NPSR1: variants seen among roughly 807,000 people sequenced by gnomAD.
NPSR1 encodes neuropeptide S receptor.
Under a neutral mutation model 46.9 loss-of-function variants are expected in NPSR1, and 48 were observed. The ratio of observed to expected loss-of-function variants is 1.02; its 90% CI spans 0.81 to 1.30. The LOEUF (loss-of-function observed/expected upper bound fraction) is 1.30. Among genes scored for constraint, NPSR1 ranks in the 50% most tolerant of loss-of-function variants. The probability of loss-of-function intolerance (pLI) is 0.00; values close to 1 mark genes in which losing one functional copy is unlikely to be tolerated. For missense variants in NPSR1, 450 were observed against 449.5 expected, an observed-to-expected ratio of 1.00 and a Z score of -0.01; for synonymous variants, 176 against 168.1, an observed-to-expected ratio of 1.05 and a Z score of -0.36.
intron 1 of NPSR1, among the ~76,000 whole-genome samples, chr7:34,683,428 C>G (rs1388056924): frequency 7.0e-6 from 1 of 143,676 alleles, no homozygotes; most frequent in Non-Finnish European, 1.5e-5. Context: ...GCCTGGGTGA[C>G]AGAGTGAGAC....
chr7:34,660,809 A>T (rs1211876008), intron 1 of NPSR1, among the ~76,000 whole-genome samples: 1 of 152,090 alleles, frequency 6.6e-6, no homozygotes, highest in East Asian at 1.9e-4. Context: ...CAGTCTATAA[A>T]GCTCAGCTTG....
At chr7:34,848,918 C>A (rs1199115110) in intron 8 of NPSR1, among the ~76,000 whole-genome samples, 1 of 152,216 alleles carries the variant, frequency 6.6e-6, no homozygotes, top group Admixed American at 6.5e-5. Context: ...ATCTAGAAGA[C>A]CTTGCTTTTA....
chr7:34,804,400 C>T (rs955106391), intron 3 of NPSR1, among the ~76,000 whole-genome samples: 2 of 151,934 alleles, frequency 1.3e-5, no homozygotes, highest in African/African-American at 4.8e-5. Flanking sequence ...ATCTATCACA[C>T]AAACAAGATA....
intron 4 of NPSR1, among the ~76,000 whole-genome samples, chr7:34,823,333 G>A (rs1407599434): frequency 3.4e-5 from 5 of 147,952 alleles, no homozygotes; most frequent in African/African-American, 7.5e-5. Context: ...CGGAGGTTGC[G>A]GTGAGTGGAG....
chr7:34,759,731 C>G (rs1786065476), intron 2 of NPSR1, among the ~76,000 whole-genome samples: 1 of 152,156 alleles, frequency 6.6e-6, no homozygotes, highest in South Asian at 2.1e-4. Context: ...TGTCCTTCCA[C>G]ACCTCAATAG....
At chr7:34,700,188 G>A (rs941538437) in intron 2 of NPSR1, among the ~76,000 whole-genome samples, 1 of 152,140 alleles carries the variant, frequency 6.6e-6, no homozygotes, top group Non-Finnish European at 1.5e-5. Context: ...AAAGTCATAA[G>A]GCGGATGTAA....
At chr7:34,798,523 A>C (rs1398472290) in intron 3 of NPSR1, among the ~76,000 whole-genome samples, 1 of 152,166 alleles carries the variant, frequency 6.6e-6, no homozygotes. Flanking sequence ...TGACAGAGTG[A>C]GACTCTGTCT....
intron 6 of NPSR1, among the ~76,000 whole-genome samples, chr7:34,843,397 C>T (rs2128763270): frequency 6.6e-6 from 1 of 152,254 alleles, no homozygotes; most frequent in Middle Eastern, 3.4e-3. Flanking sequence ...CACAATAACA[C>T]AATAATAGCA....
intron 3 of NPSR1, among the ~76,000 whole-genome samples, chr7:34,802,620 A>C (rs1788476793): frequency 6.6e-6 from 1 of 150,486 alleles, no homozygotes; most frequent in Non-Finnish European, 1.5e-5. Flanking sequence ...ACCCTAGAAG[A>C]AAACCTAAGC....
At chr7:34,672,829 C>T (rs527476873) in intron 1 of NPSR1, among the ~76,000 whole-genome samples, 1 of 152,328 alleles carries the variant, frequency 6.6e-6, no homozygotes, top group East Asian at 1.9e-4. Flanking sequence ...GGACAAGAAT[C>T]TCTCCTCCTG....
At chr7:34,741,981 G>GTTCCCTA (rs1161822846) in intron 2 of NPSR1, among the ~76,000 whole-genome samples, 1 of 152,174 alleles carries the variant, frequency 6.6e-6, no homozygotes, top group African/African-American at 2.4e-5. Flanking sequence ...GAACCTTAGA[G>GTTCCCTA]TTCCCTACTC....
chr7:34,790,986 T>TGTTG (rs1787785649), intron 3 of NPSR1, among the ~76,000 whole-genome samples: 1 of 110,398 alleles, frequency 9.1e-6, no homozygotes, highest in East Asian at 2.7e-4. Context: ...ATATGTTATA[T>TGTTG]TATATATGTT....
chr7:34,763,984 A>G (rs935193329), intron 2 of NPSR1, among the ~76,000 whole-genome samples: 1 of 152,230 alleles, frequency 6.6e-6, no homozygotes, highest in African/African-American at 2.4e-5. Flanking sequence ...AAGGAACATT[A>G]TAAAAATCTC....
intron 8 of NPSR1, among the ~76,000 whole-genome samples, chr7:34,876,720 C>T (rs567901941): frequency 9.9e-5 from 15 of 152,242 alleles, no homozygotes; most frequent in African/African-American, 3.1e-4. Flanking sequence ...TCAGGAGGTC[C>T]GAGAAGGACC....
rs543094083 is a variant in NPSR1, at chr7:34,792,060, T to C, written c.384+13495T>C. Among the ~76,000 whole-genome samples the C allele has an allele frequency of 3.4e-3, 516 of 151,878 alleles. 3 individuals carry two copies. The highest frequency in any genetic ancestry group is 0.012 in the African/African-American group (501 of 41,454). On this transcript the variant is annotated intron_variant, in intron 3 of 8. Coordinates refer to ENST00000360581, the MANE Select transcript of NPSR1 (RefSeq NM_207172.2). ...TTAACTTATACAATACAGAAAAAAA[T>C]CAACTCAAAACAGATTAAAGACTTA...
At chr7:34,848,101 G>C (rs182055969) in intron 7 of NPSR1, among the ~76,000 whole-genome samples, 2 of 152,302 alleles carry the variant, frequency 1.3e-5, no homozygotes, top group East Asian at 1.9e-4. Context: ...CTGTTCTTCT[G>C]TCTTTTCCTA....
At chr7:34,696,136 T>C (rs112487402) in intron 2 of NPSR1, among the ~76,000 whole-genome samples, 181 of 144,020 alleles carry the variant, frequency 1.3e-3, no homozygotes, top group African/African-American at 4.2e-3. Flanking sequence ...TATGCAGCTA[T>C]AAAAAAGAAT....
chr7:34,719,390 G>A (rs1269450375), intron 2 of NPSR1: 7 of 152,172 alleles, frequency 4.6e-5, no homozygotes, highest in African/African-American at 9.7e-5. Flanking sequence ...GCTGCAAAGC[G>A]TTTTTCTCTC....
intron 2 of NPSR1, among the ~76,000 whole-genome samples, chr7:34,713,569 T>C (rs10273470): frequency 0.14 from 21,892 of 152,120 alleles, 2,080 homozygotes; most frequent in East Asian, 0.34. Flanking sequence ...AAATCTTTAG[T>C]GGGAAGGCTG....
Sources: gnomAD v4.1 joint callset for allele counts (sites outside exome capture counted in the v4.1 genomes callset) on GRCh38, gnomAD v4.1.1 for gene constraint, MANE v1.5 for transcripts, NCBI Gene and HGNC (gene_info 2026-07-23, HGNC 2026-07-21) for gene names.